KSR2: variants seen among roughly 807,000 people sequenced by gnomAD.
The protein encoded by KSR2 is kinase suppressor of ras 2.
Under a neutral mutation model 107.8 loss-of-function variants are expected in KSR2, and 25 were observed. That is an observed-to-expected ratio of 0.23 (90% CI 0.17 to 0.32). KSR2 has a LOEUF of 0.32. KSR2 is among the 10% of genes least tolerant of loss of function. The pLI, the probability that KSR2 is intolerant of heterozygous loss-of-function variation, is 1.00. For synonymous variants in KSR2, 480 were observed against 507.0 expected, an observed-to-expected ratio of 0.95 and a Z score of 0.71; for missense variants, 887 against 1,268.9, an observed-to-expected ratio of 0.70 and a Z score of 4.57.
chr12:117,617,693 G>A (rs977574460), intron 5 of KSR2, among the ~76,000 whole-genome samples: 23 of 152,178 alleles, frequency 1.5e-4, no homozygotes, highest in Admixed American at 1.3e-3. Context: ...GGGTCTAGGA[G>A]GATGAAGTGA....
Position 117,761,536 on chromosome 12 carries a change from C to T in KSR2, c.473-12G>A. The T allele has an allele frequency of 6.2e-7, 1 of 1,612,930 alleles. No individual in the cohort carries two copies. Among genetic ancestry groups the T allele is most frequent in the Non-Finnish European group, 8.5e-7 (1 of 1,179,746 alleles). On this transcript the variant is annotated splice_polypyrimidine_tract_variant and intron_variant, in intron 3 of 19. Transcript: ENST00000339824. Reference sequence around the variant, plus strand: ...GGAAAGGTTGCCTCCTGAGTTGGAACAGAAGAGCAGAGACAATGGGTAAGC... The same window carrying T: ...GGAAAGGTTGCCTCCTGAGTTGGAATAGAAGAGCAGAGACAATGGGTAAGC...
chr12:117,889,436 C>T (rs555263171), intron 1 of KSR2: 1 of 152,258 alleles, frequency 6.6e-6, no homozygotes, highest in South Asian at 2.1e-4. Flanking sequence ...CACTCGCAGC[C>T]TCTTAGCTCT....
chr12:117,530,357 A>G (rs1394917082), intron 12 of KSR2, among the ~76,000 whole-genome samples: 2 of 152,344 alleles, frequency 1.3e-5, no homozygotes, highest in East Asian at 3.9e-4. Flanking sequence ...TTTGCAAGCC[A>G]TACAGATTAT....
chr12:117,922,956 G>GAGCT (rs1165222379), intron 1 of KSR2, among the ~76,000 whole-genome samples: 4 of 152,174 alleles, frequency 2.6e-5, no homozygotes, highest in African/African-American at 9.7e-5. Flanking sequence ...TGAAAAACAT[G>GAGCT]AGCTGCCCGA....
chr12:117,719,272 G>GCAAC (rs1887116010), intron 4 of KSR2, among the ~76,000 whole-genome samples: 1 of 152,022 alleles, frequency 6.6e-6, no homozygotes, highest in Non-Finnish European at 1.5e-5. Flanking sequence ...TTGGATCACT[G>GCAAC]CAACCTCTAC....
chr12:117,715,116 C>A (rs1173056527), intron 4 of KSR2, among the ~76,000 whole-genome samples: 1 of 152,118 alleles, frequency 6.6e-6, no homozygotes, highest in African/African-American at 2.4e-5. Flanking sequence ...TTCATGCTCG[C>A]ATTCACAATT....
chr12:117,753,416 T>C (rs1888676018), intron 4 of KSR2, among the ~76,000 whole-genome samples: 1 of 152,212 alleles, frequency 6.6e-6, no homozygotes, highest in Admixed American at 6.5e-5. Context: ...TGAGAATTCA[T>C]GCTCTATGTA....
chr12:117,738,790 G>A (rs752871881), intron 4 of KSR2, among the ~76,000 whole-genome samples: 1 of 152,166 alleles, frequency 6.6e-6, no homozygotes, highest in African/African-American at 2.4e-5. Context: ...CAGGAGAATC[G>A]CTTGAACCCA....
chr12:117,786,554 G>A (rs940100826), intron 3 of KSR2, among the ~76,000 whole-genome samples: 13 of 152,042 alleles, frequency 8.6e-5, no homozygotes, highest in Non-Finnish European at 1.0e-4. Context: ...GATGGCTCAC[G>A]GCTGTAATCC....
intron 3 of KSR2, among the ~76,000 whole-genome samples, chr12:117,794,386 T>C (rs374880891): frequency 2.5e-5 from 1 of 40,194 alleles, no homozygotes; most frequent in African/African-American, 1.1e-4. Context: ...CACACCAACA[T>C]GCACACTCAC....
intron 5 of KSR2, among the ~76,000 whole-genome samples, chr12:117,633,898 G>A (rs906912034): frequency 5.3e-5 from 8 of 152,170 alleles, no homozygotes; most frequent in Non-Finnish European, 1.2e-4. Flanking sequence ...CCCCAGTGTG[G>A]GGTGATGCTG....
At chr12:117,522,381 C>T (rs1874811089) in intron 14 of KSR2, among the ~76,000 whole-genome samples, 1 of 151,996 alleles carries the variant, frequency 6.6e-6, no homozygotes, top group South Asian at 2.1e-4. Context: ...GGGATAAGAG[C>T]TTAAGATGGG....
At chr12:117,838,986 C>T (rs896182123) in intron 3 of KSR2, among the ~76,000 whole-genome samples, 4 of 152,198 alleles carry the variant, frequency 2.6e-5, no homozygotes, top group African/African-American at 9.6e-5. Context: ...ATAGGTATGG[C>T]AGTGTTCCAA....
At chr12:117,747,584 G>A (rs950848986) in intron 4 of KSR2, among the ~76,000 whole-genome samples, 11 of 145,530 alleles carry the variant, frequency 7.6e-5, no homozygotes, top group Non-Finnish European at 1.1e-4. Flanking sequence ...CATGTATCCC[G>A]GAACTTAAAA....
intron 4 of KSR2, among the ~76,000 whole-genome samples, chr12:117,688,733 A>C (rs138864228): frequency 8.3e-4 from 127 of 152,254 alleles, no homozygotes; most frequent in Middle Eastern, 3.4e-3. Context: ...GTGCTGCCAA[A>C]GGACACTCTC....
intron 4 of KSR2, among the ~76,000 whole-genome samples, chr12:117,752,053 A>G (rs940903650): frequency 4.6e-5 from 7 of 152,258 alleles, no homozygotes; most frequent in African/African-American, 1.7e-4. Flanking sequence ...AGACAAAAAT[A>G]TACCTCCTGA....
chr12:117,852,557 T>A (rs1183010275), intron 3 of KSR2, among the ~76,000 whole-genome samples: 44 of 152,128 alleles, frequency 2.9e-4, no homozygotes, highest in Non-Finnish European at 1.5e-5. Context: ...CACAAAAAAA[T>A]AACTATTCTT....
At position 117,959,000 on chromosome 12, in the gene KSR2, C is replaced by T. The variant is rs1896590659; in HGVS notation, c.180+9076G>A. On this transcript the variant is annotated intron_variant, in intron 1 of 19. Coordinates refer to ENST00000339824, the MANE Select transcript of KSR2 (RefSeq NM_173598.6). ...GCTAGAAGAGAATAATCCGAATGTT[C>T]TCAGTATAAAGAAAAGATAAACATC... 2.0e-5 allele frequency among the ~76,000 whole-genome samples: 3 copies of T among 152,230 alleles called. No homozygotes were observed. The South Asian group carries it at 6.2e-4, about 32-fold the overall frequency.
chr12:117,774,085 G>A (rs1334866335), intron 3 of KSR2, among the ~76,000 whole-genome samples: 1 of 152,104 alleles, frequency 6.6e-6, no homozygotes, highest in African/African-American at 2.4e-5. Flanking sequence ...GGGTTCTCTG[G>A]AGCCCCCTAA....
Sources: allele counts gnomAD v4.1 joint callset (sites outside exome capture counted in the v4.1 genomes callset), GRCh38; gene constraint gnomAD v4.1.1; transcripts MANE v1.5; gene names NCBI Gene and HGNC (gene_info 2026-07-23, HGNC 2026-07-21).